The following KPNA6 variants were observed in gnomAD, a reference collection of about 807,000 sequenced individuals.
KPNA6 encodes the protein importin subunit alpha-7.
In KPNA6, 9 loss-of-function variants were observed where a neutral mutation model predicts 72.0. The observed-to-expected ratio is 0.13, with a 90% CI of 0.08 to 0.22. The LOEUF (loss-of-function observed/expected upper bound fraction) is 0.22. Among genes scored for constraint, KPNA6 ranks in the 10% least tolerant of loss-of-function variants. The pLI, the probability that KPNA6 is intolerant of heterozygous loss-of-function variation, is 1.00. For synonymous variants in KPNA6, 219 were observed against 242.1 expected, an observed-to-expected ratio of 0.90 and a Z score of 0.89; for missense variants, 374 against 655.7, an observed-to-expected ratio of 0.57 and a Z score of 4.69.
chr1:32,108,503 C>T (rs1211489887), intron 1 of KPNA6, among the ~76,000 whole-genome samples: 1 of 152,230 alleles, frequency 6.6e-6, no homozygotes, highest in African/African-American at 2.4e-5. Flanking sequence ...AGGTAGCTTT[C>T]TCCTGGGTTG....
rs374102844 is a variant in KPNA6, at chr1:32,154,314, G to T, written c.5-274G>T. 2.4e-3 allele frequency among the ~76,000 whole-genome samples: 363 copies of T among 152,010 alleles called. 2 individuals carry two copies. The highest frequency in any genetic ancestry group is 8.5e-3 in the African/African-American group (351 of 41,502). On this transcript the variant is annotated intron_variant, in intron 1 of 13. Coordinates refer to ENST00000373625, the MANE Select transcript of KPNA6 (RefSeq NM_012316.5). ...CACAGCTAACAAGTAGAAGGGTCAGGATGTGAACCCAGACAATCTGTCTCT... is the reference window on the plus strand; with the variant it reads ...CACAGCTAACAAGTAGAAGGGTCAGTATGTGAACCCAGACAATCTGTCTCT...
intron 2 of KPNA6, among the ~76,000 whole-genome samples, chr1:32,155,698 T>G: frequency 6.7e-6 from 1 of 149,392 alleles, no homozygotes; most frequent in East Asian, 2.0e-4. Flanking sequence ...AGTCACCTGA[T>G]TATTATTATT....
At chr1:32,109,135 G>A (rs1641199363) in intron 1 of KPNA6, among the ~76,000 whole-genome samples, 1 of 152,190 alleles carries the variant, frequency 6.6e-6, no homozygotes, top group Non-Finnish European at 1.5e-5. Context: ...CAGTGGCTAA[G>A]CCAGGGTGAA....
intron 1 of KPNA6, among the ~76,000 whole-genome samples, chr1:32,108,817 T>G (rs1641193980): frequency 6.6e-6 from 1 of 152,182 alleles, no homozygotes; most frequent in African/African-American, 2.4e-5. Context: ...GGGCTGGCCC[T>G]GGTAAGGAGA....
In KPNA6 at chr1:32,108,098, C is replaced by T. The variant is rs750800728; in HGVS notation, c.-33C>T. The stretch of plus-strand genomic sequence containing the variant: ...CTGCCGCTGAAGCTGCCGCCGTTGC[C>T]TCCGCCGCCAAGAGTGAGCGAGCGG... On this transcript the variant is annotated 5_prime_UTR_variant, in exon 1 of 14. Coordinates refer to ENST00000373625, the MANE Select transcript of KPNA6 (RefSeq NM_012316.5). The T allele has an allele frequency of 1.2e-6, 2 of 1,613,948 alleles. No homozygotes were observed. Among genetic ancestry groups the T allele is most frequent in the Non-Finnish European group, 1.7e-6 (2 of 1,179,886 alleles).
At position 32,160,061 on chromosome 1, in the gene KPNA6, G is replaced by A. The variant is rs566307016; in HGVS notation, c.558+530G>A. Among the ~76,000 whole-genome samples the A allele has an allele frequency of 3.8e-4, 58 of 152,290 alleles. 1 individual carries two copies. Among genetic ancestry groups the A allele is most frequent in the Admixed American group, 4.6e-4 (7 of 15,294 alleles). ...CGCCTATAATCCCAGCACTTTGGGA[G>A]GCCGAGGTGGGCAGATCACGAGGTC... On this transcript the variant is annotated intron_variant, in intron 6 of 13. Coordinates refer to ENST00000373625, the MANE Select transcript of KPNA6 (RefSeq NM_012316.5).
intron 1 of KPNA6, among the ~76,000 whole-genome samples, chr1:32,154,240 A>G (rs751366735): frequency 2.0e-5 from 3 of 152,160 alleles, no homozygotes; most frequent in Non-Finnish European, 4.4e-5. Flanking sequence ...TGTTTTATTA[A>G]AGATTAAATT....
intron 1 of KPNA6, among the ~76,000 whole-genome samples, 180 bp from the exon 2 acceptor site, chr1:32,154,408 G>A (rs1003998721): frequency 7.3e-6 from 1 of 137,836 alleles, no homozygotes; most frequent in South Asian, 2.7e-4. Context: ...CAAGCTTATT[G>A]TAATTAAAAG....
At chr1:32,166,013 AACAACAAC>A (rs1557485222) in intron 10 of KPNA6, 84 bp from the exon 11 acceptor site, 25 of 1,284,670 alleles carry the variant, frequency 1.9e-5, no homozygotes, top group East Asian at 5.7e-5. Flanking sequence ...AAAAAACAAA[AACAACAAC>A]AACAACAACA....
At chr1:32,162,646 C>G (rs1432037031) in intron 9 of KPNA6, 122 bp downstream of exon 9, 23 of 991,988 alleles carry the variant, frequency 2.3e-5, no homozygotes, top group African/African-American at 4.8e-5. Context: ...ACCAGCCTGA[C>G]CAACATGGTG....
At chr1:32,165,156 C>T (rs1167519088) in intron 10 of KPNA6, among the ~76,000 whole-genome samples, 1 of 152,196 alleles carries the variant, frequency 6.6e-6, no homozygotes, top group Admixed American at 6.5e-5. Flanking sequence ...ATCCTCCCAC[C>T]TTGGCTTCTC....
chr1:32,169,364 CA>C (rs1297416743), intron 12 of KPNA6, among the ~76,000 whole-genome samples: 608 of 120,722 alleles, frequency 5.0e-3, no homozygotes, highest in East Asian at 7.2e-3. Context: ...GACCCTGTCT[CA>C]AAAAAAAAAA....
intron 1 of KPNA6, among the ~76,000 whole-genome samples, chr1:32,119,738 CT>C (rs1272866573): frequency 8.6e-6 from 1 of 115,746 alleles, no homozygotes; most frequent in Non-Finnish European, 1.7e-5. Flanking sequence ...AGCTGGAAAT[CT>C]GGAATTTTTT....
At chr1:32,113,977 C>G (rs1176863974) in intron 1 of KPNA6, among the ~76,000 whole-genome samples, 1 of 152,184 alleles carries the variant, frequency 6.6e-6, no homozygotes, top group African/African-American at 2.4e-5. Flanking sequence ...CTCTTAAAGT[C>G]ATCCGTGAGG....
At position 32,172,964 on chromosome 1, in the gene KPNA6, C is replaced by T; in HGVS notation, c.*2070C>T. 1 of 397,832 alleles carries T rather than the reference C, an allele frequency of 2.5e-6. No individual in the cohort carries two copies. Among genetic ancestry groups the T allele is most frequent in the Non-Finnish European group, 4.4e-6 (1 of 225,782 alleles). 24.6% of individuals were successfully genotyped at this position (397,832 alleles called of 1,614,324 possible). A position where few individuals can be genotyped will look rare whatever the true frequency, so the allele number is the denominator to read the frequency against. On this transcript the variant is annotated 3_prime_UTR_variant, in exon 14 of 14. Transcript: ENST00000373625. ...GCCCTCTCCTAGTGCTGCAGTCCCACTTCAAAGCCATTTTCTGAGGAGGAT... is the reference window on the plus strand; with the variant it reads ...GCCCTCTCCTAGTGCTGCAGTCCCATTTCAAAGCCATTTTCTGAGGAGGAT...
intron 3 of KPNA6, 40 bp downstream of exon 3, chr1:32,156,985 A>G (rs778914742): frequency 1.4e-6 from 2 of 1,458,122 alleles, no homozygotes; most frequent in East Asian, 4.5e-5. Context: ...CCTGGAAAAC[A>G]CCTGCTTCTA....
intron 6 of KPNA6, among the ~76,000 whole-genome samples, chr1:32,160,086 C>T (rs1250913254): frequency 6.6e-6 from 1 of 152,136 alleles, no homozygotes; most frequent in Non-Finnish European, 1.5e-5. Flanking sequence ...ATCACGAGGT[C>T]AGGAGTTCAA....
At chr1:32,126,301 C>G (rs951912968) in intron 1 of KPNA6, among the ~76,000 whole-genome samples, 1 of 147,192 alleles carries the variant, frequency 6.8e-6, no homozygotes, top group Non-Finnish European at 1.5e-5. Flanking sequence ...CCCCCACCCC[C>G]CATTTGAGGT....
intron 1 of KPNA6, among the ~76,000 whole-genome samples, chr1:32,153,976 G>A (rs184692828): frequency 7.2e-5 from 11 of 151,994 alleles, no homozygotes; most frequent in South Asian, 4.1e-4. Flanking sequence ...GTGAGACCCC[G>A]TCTCTACTAA....
Sources: allele counts gnomAD v4.1 joint callset (sites outside exome capture counted in the v4.1 genomes callset), GRCh38; gene constraint gnomAD v4.1.1; transcripts MANE v1.5; gene names NCBI Gene and HGNC (gene_info 2026-07-23, HGNC 2026-07-21).